UBAP2: variants seen among roughly 807,000 people sequenced by gnomAD.
UBAP2 encodes the protein ubiquitin associated protein 2.
A neutral mutation model predicts 139.6 loss-of-function variants in UBAP2; 75 were observed. The ratio of observed to expected loss-of-function variants is 0.54; its 90% CI spans 0.45 to 0.65. UBAP2 has a LOEUF of 0.65. UBAP2 is among the 30% of genes least tolerant of loss of function. The pLI, the probability that UBAP2 is intolerant of heterozygous loss-of-function variation, is 0.00. For synonymous variants in UBAP2, 526 were observed against 526.2 expected (o/e 1.00, Z 0.01); for missense variants, 1,368 against 1,369.6 (o/e 1.00, Z 0.02).
chr9:34,039,532 C>G (rs1826846088), intron 1 of UBAP2, among the ~76,000 whole-genome samples: 1 of 152,106 alleles, frequency 6.6e-6, no homozygotes, highest in African/African-American at 2.4e-5. Flanking sequence ...CCTTGGGATG[C>G]TGTTAATCTA....
At chr9:33,924,104 G>A (rs1823202338) in intron 23 of UBAP2, 102 bp downstream of exon 23, 1 of 1,578,226 alleles carries the variant, frequency 6.3e-7, no homozygotes, top group Non-Finnish European at 8.7e-7. Context: ...CTCAGCACAG[G>A]CTACTAAGAG....
intron 1 of UBAP2, among the ~76,000 whole-genome samples, chr9:34,033,868 T>A (rs561817386): frequency 3.9e-5 from 6 of 152,178 alleles, no homozygotes; most frequent in Non-Finnish European, 8.8e-5. Flanking sequence ...CCCAAGTAGC[T>A]GGGATTACAG....
At chr9:33,972,844 A>AT (rs1267812229) in intron 7 of UBAP2, among the ~76,000 whole-genome samples, 2 of 152,174 alleles carry the variant, frequency 1.3e-5, no homozygotes, top group East Asian at 3.9e-4. Context: ...GTCTATAGGT[A>AT]TTTTGTCACA....
At chr9:33,994,997 T>C (rs945109044) in intron 4 of UBAP2, 3 of 152,322 alleles carry the variant, frequency 2.0e-5, no homozygotes, top group Non-Finnish European at 2.9e-5. Flanking sequence ...GTGTTCATCT[T>C]TGTATCCTCT....
chr9:33,989,680 A>G (rs147150591), intron 4 of UBAP2, among the ~76,000 whole-genome samples: 64 of 152,290 alleles, frequency 4.2e-4, no homozygotes, highest in African/African-American at 1.5e-3. Flanking sequence ...CATTTTCCCA[A>G]CATAAAGCCC....
intron 1 of UBAP2, among the ~76,000 whole-genome samples, chr9:34,043,267 G>A (rs1005445879): frequency 2.0e-5 from 3 of 151,978 alleles, no homozygotes; most frequent in African/African-American, 7.2e-5. Context: ...AACCACCCAG[G>A]CTTAAGCAAT....
At chr9:33,932,913 G>A (rs1043088590) in intron 18 of UBAP2, among the ~76,000 whole-genome samples, 6 of 152,088 alleles carry the variant, frequency 3.9e-5, no homozygotes, top group Non-Finnish European at 4.4e-5. Context: ...CTAAGAACAC[G>A]GTCATCCTTG....
chr9:34,029,982 A>C (rs1825747053), intron 1 of UBAP2, among the ~76,000 whole-genome samples: 1 of 147,280 alleles, frequency 6.8e-6, no homozygotes, highest in Non-Finnish European at 1.5e-5. Context: ...GCAAGACTCC[A>C]TCTCGAAAAA....
intron 14 of UBAP2, 57 bp from the exon 15 acceptor site, chr9:33,943,646 G>C: frequency 2.6e-6 from 4 of 1,556,304 alleles, no homozygotes; most frequent in Non-Finnish European, 3.5e-6. Context: ...AGGTCACAAA[G>C]GCCTATAACA....
chr9:33,932,743 C>T (rs1023857802), intron 18 of UBAP2, 115 bp from the exon 19 acceptor site: 64 of 1,081,852 alleles, frequency 5.9e-5, no homozygotes, highest in Non-Finnish European at 6.9e-5. Context: ...AGCACAGGAC[C>T]GGCTTCAGAC....
intron 7 of UBAP2, 118 bp from the exon 8 acceptor site, chr9:33,971,872 A>C: frequency 1.6e-6 from 1 of 630,790 alleles, no homozygotes; most frequent in Non-Finnish European, 2.9e-6. Flanking sequence ...CCACTGTAAA[A>C]GACATCACCT....
chr9:33,943,552 TCTG>T lies in UBAP2; in HGVS notation c.1580_1582del (p.Ala527del). The stretch of plus-strand genomic sequence containing the variant: ...AAACTGCACATTTAATCCTGTGACA[TCTG>T]CTGAACCAGGCATTTCCACTGCAGA... On this transcript the variant is annotated inframe_deletion, in exon 15 of 29. Transcript: ENST00000379238. 1 of 1,614,148 alleles carries T rather than the reference TCTG, an allele frequency of 6.2e-7. No homozygotes were observed. Among genetic ancestry groups the T allele is most frequent in the Non-Finnish European group, 8.5e-7 (1 of 1,180,024 alleles).
At chr9:34,015,447 C>T (rs900804337) in intron 2 of UBAP2, among the ~76,000 whole-genome samples, 2 of 151,904 alleles carry the variant, frequency 1.3e-5, no homozygotes, top group Non-Finnish European at 2.9e-5. Context: ...AGCCTCCCGA[C>T]TAACTGCCAT....
At chr9:34,024,977 C>CT (rs1488666632) in intron 1 of UBAP2, among the ~76,000 whole-genome samples, 1 of 151,634 alleles carries the variant, frequency 6.6e-6, no homozygotes, top group Non-Finnish European at 1.5e-5. Context: ...GAACAAGACT[C>CT]TGTCTCCCCA....
At chr9:34,020,449 C>T (rs1056829818) in intron 1 of UBAP2, among the ~76,000 whole-genome samples, 3 of 151,710 alleles carry the variant, frequency 2.0e-5, no homozygotes, top group Non-Finnish European at 2.9e-5. Context: ...CTCAGCCTCC[C>T]GAATAACTGG....
intron 1 of UBAP2, among the ~76,000 whole-genome samples, chr9:34,018,156 C>A (rs1824551344): frequency 6.7e-6 from 1 of 149,776 alleles, no homozygotes; most frequent in Admixed American, 6.6e-5. Context: ...AACAACTCCA[C>A]CTCAATTTAA....
At chr9:34,043,261 AC>A (rs2131376993) in intron 1 of UBAP2, among the ~76,000 whole-genome samples, 1 of 152,094 alleles carries the variant, frequency 6.6e-6, no homozygotes, top group South Asian at 2.1e-4. Context: ...AGTCTCAACC[AC>A]CCAGGCTTAA....
intron 1 of UBAP2, among the ~76,000 whole-genome samples, chr9:34,023,337 C>T (rs1411504381): frequency 2.6e-5 from 4 of 152,080 alleles, no homozygotes; most frequent in African/African-American, 4.8e-5. Flanking sequence ...ATACTTAACC[C>T]ATATTCAATG....
At chr9:34,020,165 A>C (rs540656194) in intron 1 of UBAP2, among the ~76,000 whole-genome samples, 2 of 151,474 alleles carry the variant, frequency 1.3e-5, no homozygotes, top group South Asian at 4.2e-4. Context: ...AAAAAAAAAA[A>C]AAAAAACTAA....
Sources: gnomAD v4.1 joint callset for allele counts (sites outside exome capture counted in the v4.1 genomes callset) on GRCh38, gnomAD v4.1.1 for gene constraint, MANE v1.5 for transcripts, NCBI Gene and HGNC (gene_info 2026-07-23, HGNC 2026-07-21) for gene names.